Variants in AGBL4 observed in about 807,000 individuals in gnomAD.
The protein encoded by AGBL4 is AGBL carboxypeptidase 4, also known as cytosolic carboxypeptidase 6.
A neutral mutation model predicts 66.4 loss-of-function variants in AGBL4; 58 were observed. The observed-to-expected ratio is 0.87, with a 90% CI of 0.71 to 1.09. The LOEUF is 1.09. Ranked by LOEUF, AGBL4 falls within the 50% of genes least tolerant of loss-of-function variation. The pLI is 0.00. For missense variants in AGBL4, 579 were observed against 631.0 expected (o/e 0.92, Z 0.88); for synonymous variants, 234 against 222.9 (o/e 1.05, Z -0.44).
chr1:49,803,124 TTAAA>T (rs1644902627), intron 2 of AGBL4, among the ~76,000 whole-genome samples: 1 of 151,278 alleles, frequency 6.6e-6, no homozygotes, highest in Admixed American at 6.6e-5. Flanking sequence ...ATTTATTTAA[TTAAA>T]TAAATCTTAT....
chr1:49,861,002 A>G (rs1054181943), intron 1 of AGBL4, among the ~76,000 whole-genome samples: 1 of 152,062 alleles, frequency 6.6e-6, no homozygotes, highest in African/African-American at 2.4e-5. Context: ...TGAGAGGGGG[A>G]GAACACAGTA....
intron 3 of AGBL4, among the ~76,000 whole-genome samples, chr1:49,373,446 C>CA (rs1350758029): frequency 6.6e-6 from 1 of 152,014 alleles, no homozygotes; most frequent in Non-Finnish European, 1.5e-5. Flanking sequence ...TAAGAAAGAG[C>CA]AGAGGACTCA....
intron 5 of AGBL4, among the ~76,000 whole-genome samples, chr1:49,017,508 A>T (rs904308500): frequency 6.6e-6 from 1 of 152,172 alleles, no homozygotes; most frequent in Non-Finnish European, 1.5e-5. Flanking sequence ...GAGTTCAAAC[A>T]TGTAAATAAT....
chr1:49,437,570 C>A (rs1223161778), intron 3 of AGBL4, among the ~76,000 whole-genome samples: 5 of 151,970 alleles, frequency 3.3e-5, no homozygotes, highest in Non-Finnish European at 5.9e-5. Context: ...CTACTTTGGT[C>A]GAGTTATAGT....
At position 49,282,973 on chromosome 1, in the gene AGBL4, T is replaced by G. The variant is rs190955623; in HGVS notation, c.283-37109A>C. ...GCGCCCGCCATTGCCCAGGCTTGCT[T>G]AGGTAAACAAACCAGCTGGGAAGCT... On this transcript the variant is annotated intron_variant, in intron 3 of 13. Coordinates refer to ENST00000371839, the MANE Select transcript of AGBL4 (RefSeq NM_032785.4). 1.5e-4 allele frequency among the ~76,000 whole-genome samples: 23 copies of G among 152,290 alleles called. No homozygotes were observed. In the East Asian group the frequency reaches 4.4e-3, roughly 29 times the overall value.
chr1:49,555,467 T>G (rs112756686), intron 3 of AGBL4, among the ~76,000 whole-genome samples: 3 of 148,994 alleles, frequency 2.0e-5, no homozygotes, highest in African/African-American at 7.3e-5. Context: ...GAGCTAGACA[T>G]ACAGTGCTGA....
chr1:49,884,586 A>C (rs1647812193), intron 1 of AGBL4, among the ~76,000 whole-genome samples: 3 of 151,786 alleles, frequency 2.0e-5, no homozygotes, highest in African/African-American at 7.2e-5. Context: ...ACACACTAAA[A>C]CACCCTTATA....
intron 4 of AGBL4, among the ~76,000 whole-genome samples, chr1:49,100,813 C>T (rs191742523): frequency 1.2e-4 from 18 of 152,274 alleles, no homozygotes; most frequent in East Asian, 5.8e-4. Flanking sequence ...TATTATATTA[C>T]GTTCCTACTC....
In AGBL4 at chr1:50,019,306, T is replaced by TCACACACACACACA. The variant is rs35648756; in HGVS notation, c.34+4443_34+4456dup. 6.3e-3 allele frequency among the ~76,000 whole-genome samples: 305 copies of TCACACACACACACA among 48,418 alleles called. 2 individuals are homozygous for TCACACACACACACA. The highest frequency in any genetic ancestry group is 0.013 in the South Asian group (8 of 620). 31.8% of individuals were successfully genotyped at this position (48,418 alleles called of 152,430 possible). On this transcript the variant is annotated intron_variant, in intron 1 of 13. Transcript: ENST00000371839. Reference sequence around the variant, plus strand: ...CTCTCTCTCTCTCTCTCTCTCTCTCTCACACACACACACACACACACACAC... The same window carrying TCACACACACACACA: ...CTCTCTCTCTCTCTCTCTCTCTCTCTCACACACACACACACACACACACACACACACACACACAC...
intron 3 of AGBL4, among the ~76,000 whole-genome samples, chr1:49,479,403 C>T (rs1409866466): frequency 6.6e-6 from 1 of 151,762 alleles, no homozygotes; most frequent in Admixed American, 6.6e-5. Context: ...TTCATCACCC[C>T]GGTGTTAAGC....
At chr1:49,210,636 T>TGG (rs1344520459) in intron 4 of AGBL4, among the ~76,000 whole-genome samples, 1 of 152,074 alleles carries the variant, frequency 6.6e-6, no homozygotes, top group Non-Finnish European at 1.5e-5. Context: ...CGTTAATCAT[T>TGG]TTAAATCTCC....
At chr1:49,662,587 A>G (rs1304545192) in intron 3 of AGBL4, among the ~76,000 whole-genome samples, 4 of 152,132 alleles carry the variant, frequency 2.6e-5, no homozygotes, top group Admixed American at 2.6e-4. Context: ...AGAGGCAGAG[A>G]GTTACGTTAT....
chr1:49,138,962 G>A lies in AGBL4; in HGVS notation c.378-93162C>T, dbSNP rs142659168. Among the ~76,000 whole-genome samples, 49 of 152,238 alleles carry A rather than the reference G, an allele frequency of 3.2e-4. No individual in the cohort carries two copies. In the East Asian group the frequency reaches 6.4e-3, roughly 20 times the overall value. On this transcript the variant is annotated intron_variant, in intron 4 of 13. Transcript: ENST00000371839. ...GAACGAATGGCTGGGGAGGCCTCAG[G>A]AAACTTACAATGATGGCAAAAAAGG...
chr1:49,761,110 C>T (rs1179141898), intron 2 of AGBL4, among the ~76,000 whole-genome samples: 2 of 149,422 alleles, frequency 1.3e-5, no homozygotes, highest in African/African-American at 4.9e-5. Context: ...AACAAACCTG[C>T]ATGTTCTGCA....
In AGBL4 at chr1:48,600,330, T is replaced by A. The variant is rs79785548; in HGVS notation, c.952-9345A>T. Reference sequence around the variant, plus strand: ...TATCTGGAAGAGCTATGGGGGAGGATAATAATAACAACATAGCCCTTACTT... The same window carrying A: ...TATCTGGAAGAGCTATGGGGGAGGAAAATAATAACAACATAGCCCTTACTT... On this transcript the variant is annotated intron_variant, in intron 9 of 13. Transcript: ENST00000371839. Among the ~76,000 whole-genome samples the A allele has an allele frequency of 4.6e-5, 7 of 152,212 alleles. No homozygotes were observed. The East Asian group carries it at 1.2e-3, about 25-fold the overall frequency.
intron 1 of AGBL4, among the ~76,000 whole-genome samples, chr1:50,010,397 T>C (rs1661443036): frequency 6.6e-6 from 1 of 151,678 alleles, no homozygotes. Context: ...ATTCATGCAA[T>C]CTCTATCAAA....
intron 1 of AGBL4, among the ~76,000 whole-genome samples, chr1:49,948,199 AATATAAAT>A (rs1655601917): frequency 1.0e-5 from 1 of 96,564 alleles, no homozygotes; most frequent in African/African-American, 4.2e-5. Context: ...AATATATATA[AATATAAAT>A]ATATAAATAT....
At chr1:49,731,253 A>T (rs894592515) in intron 2 of AGBL4, among the ~76,000 whole-genome samples, 1 of 152,162 alleles carries the variant, frequency 6.6e-6, no homozygotes, top group Non-Finnish European at 1.5e-5. Flanking sequence ...CAACCCCAGT[A>T]TGGCAAATAG....
chr1:49,995,332 C>G (rs1361285212), intron 1 of AGBL4: 3 of 452,838 alleles, frequency 6.6e-6, no homozygotes, highest in Non-Finnish European at 1.3e-5. Flanking sequence ...GTGAGACCAG[C>G]CTTTCAGGCT....
Sources: gnomAD v4.1 joint callset for allele counts (sites outside exome capture counted in the v4.1 genomes callset) on GRCh38, gnomAD v4.1.1 for gene constraint, MANE v1.5 for transcripts, NCBI Gene and HGNC (gene_info 2026-07-23, HGNC 2026-07-21) for gene names.